METTL15: variants seen among roughly 807,000 people sequenced by gnomAD.
METTL15 encodes the protein methyltransferase 15, mitochondrial 12S rRNA N4-cytidine.
In METTL15, 34 loss-of-function variants were observed where a neutral mutation model predicts 38.3. The observed-to-expected ratio is 0.89, with a 90% confidence interval of 0.68 to 1.18. The LOEUF (loss-of-function observed/expected upper bound fraction) is 1.18, where lower values mean the gene tolerates loss of function less well. METTL15 is among the 50% of genes most tolerant of loss of function. The probability of loss-of-function intolerance (pLI) is 0.00; values close to 1 mark genes in which losing one functional copy is unlikely to be tolerated. For synonymous variants in METTL15, 162 were observed against 170.9 expected, an observed-to-expected ratio of 0.95 and a Z score of 0.41; for missense variants, 438 against 498.4, an observed-to-expected ratio of 0.88 and a Z score of 1.15.
At chr11:28,418,832 G>A (rs1044076127) in intron 5 of METTL15, among the ~76,000 whole-genome samples, 8 of 152,152 alleles carry the variant, frequency 5.3e-5, no homozygotes, top group African/African-American at 1.4e-4. Flanking sequence ...CCAACATCAC[G>A]CAGAACTCAA....
At chr11:28,476,374 C>G (rs1394979590) in intron 6 of METTL15, among the ~76,000 whole-genome samples, 1 of 151,982 alleles carries the variant, frequency 6.6e-6, no homozygotes, top group Non-Finnish European at 1.5e-5. Context: ...TCGAAATGAC[C>G]CAGATGGTAG....
At chr11:28,516,820 G>A (rs1205592720) in intron 6 of METTL15, 1 of 152,192 alleles carries the variant, frequency 6.6e-6, no homozygotes, top group Non-Finnish European at 1.5e-5. Context: ...GATACCAAGG[G>A]AGGGTTGCCC....
rs757782380 is a variant in METTL15 at position 28,174,762 on chromosome 11, A to C, written c.271-36300A>C. Among the ~76,000 whole-genome samples, 4 of 150,916 alleles carry C rather than the reference A, an allele frequency of 2.7e-5. No homozygotes were observed. In the South Asian group the frequency reaches 6.3e-4, roughly 24 times the overall value. ...GCCGGGGGGCGGAGCTTGCAGTGAG[A>C]AGAGATTGCGCCACTGCACTCCAGC... is the stretch of plus-strand genomic sequence containing the variant. On this transcript the variant is annotated intron_variant, in intron 3 of 6. Transcript: ENST00000407364.
intron 3 of METTL15, among the ~76,000 whole-genome samples, chr11:28,164,913 A>G (rs921518097): frequency 2.0e-5 from 3 of 152,062 alleles, no homozygotes; most frequent in Non-Finnish European, 4.4e-5. Flanking sequence ...TATGAGTTAC[A>G]CTTTTTTAGA....
At position 28,232,751 on chromosome 11, in the gene METTL15, G is replaced by A. The variant is rs1853739464; in HGVS notation, c.407+21553G>A. Reference sequence around the variant, plus strand: ...AGGCACCTTTCTAACCTCCGTTTTAGTGGGCGTGAAAGGGTTTATTTGTAA... The same window carrying A: ...AGGCACCTTTCTAACCTCCGTTTTAATGGGCGTGAAAGGGTTTATTTGTAA... On this transcript the variant is annotated intron_variant, in intron 4 of 6. Coordinates refer to ENST00000407364, the MANE Select transcript of METTL15 (RefSeq NM_001113528.2). Among the ~76,000 whole-genome samples the A allele has an allele frequency of 2.6e-5, 4 of 151,886 alleles. No individual in the cohort carries two copies. In the South Asian group the frequency reaches 8.3e-4, roughly 31 times the overall value.
At chr11:28,445,452 C>T (rs182675719) in intron 6 of METTL15, among the ~76,000 whole-genome samples, 2 of 152,144 alleles carry the variant, frequency 1.3e-5, no homozygotes, top group African/African-American at 2.4e-5. Flanking sequence ...GACATTGATA[C>T]AACACTTTAA....
At chr11:28,328,929 GT>G (rs1279599372) in intron 6 of METTL15, among the ~76,000 whole-genome samples, 1 of 151,894 alleles carries the variant, frequency 6.6e-6, no homozygotes, top group Non-Finnish European at 1.5e-5. Context: ...TTTCTTGATG[GT>G]GTTGTTTGAA....
intron 6 of METTL15, among the ~76,000 whole-genome samples, chr11:28,486,685 G>T (rs907094645): frequency 9.9e-5 from 15 of 152,172 alleles, no homozygotes; most frequent in Admixed American, 7.2e-4. Flanking sequence ...CTGGAAGCCT[G>T]TCTGACAGAA....
intron 3 of METTL15, among the ~76,000 whole-genome samples, chr11:28,181,823 G>A (rs1465662342): frequency 6.6e-6 from 1 of 152,082 alleles, no homozygotes; most frequent in Non-Finnish European, 1.5e-5. Flanking sequence ...GATCCTTGAG[G>A]AATCATCATA....
intron 4 of METTL15, among the ~76,000 whole-genome samples, chr11:28,280,456 T>C (rs1191723916): frequency 6.6e-6 from 1 of 152,178 alleles, no homozygotes; most frequent in Non-Finnish European, 1.5e-5. Context: ...CACATTTTAC[T>C]ATGATGGTCC....
chr11:28,215,467 A>G (rs533455930), intron 4 of METTL15, among the ~76,000 whole-genome samples: 13 of 152,164 alleles, frequency 8.5e-5, no homozygotes, highest in Non-Finnish European at 1.3e-4. Context: ...CAGCAGGGAA[A>G]GAGGTGGTCA....
chr11:28,169,277 T>C (rs967935625), intron 3 of METTL15, among the ~76,000 whole-genome samples: 1 of 152,222 alleles, frequency 6.6e-6, no homozygotes, highest in Non-Finnish European at 1.5e-5. Flanking sequence ...TCAGGAGCCG[T>C]GGCTGTTATA....
At chr11:28,225,202 TAC>T (rs1314158486) in intron 4 of METTL15, among the ~76,000 whole-genome samples, 1 of 151,912 alleles carries the variant, frequency 6.6e-6, no homozygotes, top group Non-Finnish European at 1.5e-5. Flanking sequence ...TATTAGCATT[TAC>T]AGTTTTGGCT....
Position 28,388,855 on chromosome 11 carries a change from C to T in METTL15, c.*358+26819C>T, listed in dbSNP as rs555522005. 1.1e-4 allele frequency among the ~76,000 whole-genome samples: 17 copies of T among 152,100 alleles called. No individual in the cohort carries two copies. In the East Asian group the frequency reaches 1.8e-3, roughly 16 times the overall value. On this transcript the variant is annotated intron_variant and NMD_transcript_variant, in intron 5 of 7. Coordinates refer to the METTL15 transcript ENST00000532947. The stretch of plus-strand genomic sequence containing the variant: ...CCTACACCCACCCCACAACAGGCCC[C>T]GGTGTGTGATGTTCCCCTTCCTGTG...
At chr11:28,145,731 A>G (rs1849859814) in intron 3 of METTL15, 1 of 152,110 alleles carries the variant, frequency 6.6e-6, no homozygotes, top group Non-Finnish European at 1.5e-5. Flanking sequence ...GATTTAATAA[A>G]CTGAGTTAGA....
intron 5 of METTL15, among the ~76,000 whole-genome samples, chr11:28,397,085 T>A (rs893403004): frequency 6.6e-6 from 1 of 152,148 alleles, no homozygotes; most frequent in Admixed American, 6.5e-5. Flanking sequence ...TATACAAAAA[T>A]TAATTCAAGA....
intron 3 of METTL15, among the ~76,000 whole-genome samples, chr11:28,192,714 T>G (rs1255316843): frequency 1.3e-5 from 2 of 152,034 alleles, no homozygotes; most frequent in African/African-American, 2.4e-5. Flanking sequence ...AAAATAGATG[T>G]AGAGCTTTTT....
chr11:28,188,135 C>A (rs1590128613), intron 3 of METTL15, among the ~76,000 whole-genome samples: 1 of 151,148 alleles, frequency 6.6e-6, no homozygotes, highest in African/African-American at 2.4e-5. Flanking sequence ...TATCACATTA[C>A]AAAATTTTAT....
At chr11:28,363,183 AT>A (rs947804410) in intron 5 of METTL15, among the ~76,000 whole-genome samples, 7 of 149,800 alleles carry the variant, frequency 4.7e-5, no homozygotes, top group Admixed American at 6.7e-5. Flanking sequence ...TTTATTTTTT[AT>A]TTTTTTTGAG....
Sources: allele counts gnomAD v4.1 joint callset (sites outside exome capture counted in the v4.1 genomes callset), GRCh38; gene constraint gnomAD v4.1.1; transcripts MANE v1.5; gene names NCBI Gene and HGNC (gene_info 2026-07-23, HGNC 2026-07-21).